Variants in SORCS2 observed in about 807,000 individuals in gnomAD.
The protein encoded by SORCS2 is sortilin related VPS10 domain containing receptor 2, also known as VPS10 domain-containing receptor SorCS2.
A neutral mutation model predicts 141.6 loss-of-function variants in SORCS2; 100 were observed. The observed-to-expected ratio is 0.71, with a 90% confidence interval of 0.60 to 0.83. The LOEUF is 0.83. Among genes scored for constraint, SORCS2 ranks in the 40% least tolerant of loss-of-function variants. The pLI is 0.00. For missense variants in SORCS2, 1,646 were observed against 1,560.2 expected, an observed-to-expected ratio of 1.05 and a Z score of -0.93; for synonymous variants, 789 against 676.9, an observed-to-expected ratio of 1.17 and a Z score of -2.57.
Position 7,664,252 on chromosome 4 carries a change from C to A in SORCS2, c.953-101C>A. On this transcript the variant is annotated intron_variant, in intron 6 of 26. Transcript: ENST00000507866. This position sits in a 1 kb window ranked among gnomAD's most constrained non-coding sequence, Gnocchi z 4.7. Reference sequence around the variant, plus strand: ...TAGAATTCAAGCCCATGAAGCCACACCACAGCGGTATTGGAGGAAGATGGA... The same window carrying A: ...TAGAATTCAAGCCCATGAAGCCACAACACAGCGGTATTGGAGGAAGATGGA... The A allele has an allele frequency of 2.2e-6, 2 of 921,632 alleles. No individual in the cohort carries two copies. The highest frequency in any genetic ancestry group is 3.3e-6 in the Non-Finnish European group (2 of 603,452). 57.1% of individuals were successfully genotyped at this position (921,632 alleles called of 1,614,324 possible).
chr4:7,471,593 C>T (rs1422134920), intron 2 of SORCS2, among the ~76,000 whole-genome samples: 3 of 152,256 alleles, frequency 2.0e-5, no homozygotes, highest in Non-Finnish European at 4.4e-5. Flanking sequence ...TTCTCGGTTC[C>T]TGGACTCATC....
intron 1 of SORCS2, among the ~76,000 whole-genome samples, chr4:7,337,412 A>G (rs1720053633): frequency 6.6e-6 from 1 of 152,162 alleles, no homozygotes; most frequent in South Asian, 2.1e-4. Context: ...CTGGATCAGG[A>G]GGCCTTCCTG....
At chr4:7,690,527 A>G (rs1432562039) in intron 11 of SORCS2, among the ~76,000 whole-genome samples, 2 of 151,078 alleles carry the variant, frequency 1.3e-5, no homozygotes, top group Non-Finnish European at 2.9e-5. Flanking sequence ...GGATAGATGA[A>G]TGGATGGATG....
At chr4:7,387,775 C>CATACAGATACACAGAGATACACATGT (rs2109088686) in intron 1 of SORCS2, among the ~76,000 whole-genome samples, 1 of 88,320 alleles carries the variant, frequency 1.1e-5, no homozygotes, top group East Asian at 2.6e-4. Flanking sequence ...CACACATGCA[C>CATACAGATACACAGAGATACACATGT]ACACACATAG....
At chr4:7,685,333 C>G (rs1428074930) in intron 10 of SORCS2, among the ~76,000 whole-genome samples, 2 of 152,130 alleles carry the variant, frequency 1.3e-5, no homozygotes, top group African/African-American at 4.8e-5. Flanking sequence ...CGGGGAAATG[C>G]AGAGCCAAGT....
chr4:7,372,599 C>T (rs575202516), intron 1 of SORCS2, among the ~76,000 whole-genome samples: 24 of 152,314 alleles, frequency 1.6e-4, no homozygotes, highest in African/African-American at 5.1e-4. Context: ...TGAGCCACTG[C>T]GCCCAGCCTG....
intron 2 of SORCS2, among the ~76,000 whole-genome samples, chr4:7,424,499 T>C (rs79821027): frequency 0.034 from 5,187 of 152,184 alleles, 288 homozygotes; most frequent in African/African-American, 0.12. Flanking sequence ...GTCCTCTGAA[T>C]TGGGGGAGGA....
intron 1 of SORCS2, among the ~76,000 whole-genome samples, chr4:7,285,427 C>T (rs373033052): frequency 4.6e-5 from 7 of 152,356 alleles, no homozygotes; most frequent in African/African-American, 1.7e-4. Flanking sequence ...GGATGTGGAC[C>T]AGTCATGTAG....
intron 1 of SORCS2, among the ~76,000 whole-genome samples, chr4:7,284,054 A>G (rs955521624): frequency 6.6e-6 from 1 of 152,118 alleles, no homozygotes; most frequent in African/African-American, 2.4e-5. Flanking sequence ...CCTGGAGTAA[A>G]CCATTTTGAG....
intron 1 of SORCS2, among the ~76,000 whole-genome samples, chr4:7,302,769 A>ATGTGTG (rs138338129): frequency 0.054 from 7,806 of 145,836 alleles, 269 homozygotes; most frequent in South Asian, 0.076. Context: ...CAGTCCACAT[A>ATGTGTG]TGTGTGTGTG....
At chr4:7,317,415 G>C (rs1718630321) in intron 1 of SORCS2, among the ~76,000 whole-genome samples, 1 of 152,222 alleles carries the variant, frequency 6.6e-6, no homozygotes, top group East Asian at 1.9e-4. Context: ...CATGGGTCTT[G>C]TTCCATGCCT....
At chr4:7,717,903 G>A in intron 17 of SORCS2, 109 bp from the exon 18 acceptor site, 1 of 1,236,442 alleles carries the variant, frequency 8.1e-7, no homozygotes, top group Non-Finnish European at 1.1e-6. Context: ...CCTAGGGGTG[G>A]GAAGCCAAGT....
In SORCS2 at chr4:7,731,598, A is replaced by G. The variant is rs1335780734; in HGVS notation, c.3109-1724A>G. On this transcript the variant is annotated intron_variant, in intron 23 of 26. Coordinates refer to ENST00000507866, the MANE Select transcript of SORCS2 (RefSeq NM_020777.3). ...AAAGTTACAGTAATCCAAATAGCAC[A>G]GTACTGGCATAAAAACAGACACAGA... Among the ~76,000 whole-genome samples, 6 of 152,266 alleles carry G rather than the reference A, an allele frequency of 3.9e-5. No individual in the cohort carries two copies. In the South Asian group the frequency reaches 1.2e-3, roughly 31 times the overall value.
chr4:7,640,146 T>G (rs1428040646), intron 4 of SORCS2, among the ~76,000 whole-genome samples: 3 of 151,236 alleles, frequency 2.0e-5, no homozygotes, highest in Non-Finnish European at 2.9e-5. Flanking sequence ...TGTACATGAG[T>G]GTGTGGTGTG....
At chr4:7,609,699 G>C (rs1471292091) in intron 3 of SORCS2, among the ~76,000 whole-genome samples, 1 of 152,266 alleles carries the variant, frequency 6.6e-6, no homozygotes, top group Non-Finnish European at 1.5e-5. Context: ...GTGAGCTCCA[G>C]AGAGCGGCTC....
intron 1 of SORCS2, among the ~76,000 whole-genome samples, chr4:7,263,682 C>T (rs1227810515): frequency 6.6e-6 from 1 of 152,206 alleles, no homozygotes; most frequent in Non-Finnish European, 1.5e-5. Context: ...GGCTGTCCAG[C>T]AAGGCTGCTG....
rs190562421 is a variant in SORCS2, at chr4:7,391,314, A to G, written c.481-4974A>G. Among the ~76,000 whole-genome samples, 19 of 152,320 alleles carry G rather than the reference A, an allele frequency of 1.2e-4. 1 individual carries two copies. In the East Asian group the frequency reaches 3.1e-3, roughly 25 times the overall value. On this transcript the variant is annotated intron_variant, in intron 1 of 26. Transcript: ENST00000507866. ...GCCAGCCCCCTTTCCCCAGAGCAGC[A>G]GAAAGTCCTGTTAATGCCGTTGTGG...
chr4:7,427,862 C>G (rs1726563498), intron 2 of SORCS2, among the ~76,000 whole-genome samples: 2 of 151,668 alleles, frequency 1.3e-5, no homozygotes, highest in African/African-American at 4.8e-5. Context: ...CCCCCCCGCA[C>G]CAGGCCCGAC....
chr4:7,469,851 C>A (rs375060074), intron 2 of SORCS2, among the ~76,000 whole-genome samples: 1 of 152,146 alleles, frequency 6.6e-6, no homozygotes, highest in Non-Finnish European at 1.5e-5. Context: ...CATGGGGAGG[C>A]GAACAGGCTT....
Sources: gnomAD v4.1 joint callset for allele counts (sites outside exome capture counted in the v4.1 genomes callset) on GRCh38, gnomAD v4.1.1 for gene constraint, Gnocchi (gnomAD v3.1) non-coding constraint, MANE v1.5 for transcripts, NCBI Gene and HGNC (gene_info 2026-07-23, HGNC 2026-07-21) for gene names.